SKAP1: variants seen among roughly 807,000 people sequenced by gnomAD.
The protein encoded by SKAP1 is src kinase-associated phosphoprotein 1.
Under a neutral mutation model 58.5 loss-of-function variants are expected in SKAP1, and 44 were observed. That is an observed-to-expected ratio of 0.75 (90% CI 0.59 to 0.97). The LOEUF is 0.97. Ranked by LOEUF, SKAP1 falls within the 50% of genes least tolerant of loss-of-function variation. The probability of loss-of-function intolerance (pLI) is 0.00; values close to 1 mark genes in which losing one functional copy is unlikely to be tolerated. For synonymous variants in SKAP1, 127 were observed against 149.7 expected (o/e 0.85, Z 1.11); for missense variants, 390 against 435.2 (o/e 0.90, Z 0.92).
At chr17:48,276,144 T>C (rs1031063627) in intron 4 of SKAP1, among the ~76,000 whole-genome samples, 10 of 152,126 alleles carry the variant, frequency 6.6e-5, no homozygotes, top group Non-Finnish European at 1.2e-4. Flanking sequence ...ACCATATGAT[T>C]CACAACTAAC....
intron 4 of SKAP1, among the ~76,000 whole-genome samples, chr17:48,270,348 A>T (rs936058456): frequency 6.6e-6 from 1 of 151,806 alleles, no homozygotes; most frequent in Non-Finnish European, 1.5e-5. Context: ...TAATTTTATT[A>T]TTTATTTATT....
chr17:48,309,263 AT>A (rs2066189621), intron 4 of SKAP1, among the ~76,000 whole-genome samples: 1 of 150,324 alleles, frequency 6.7e-6, no homozygotes, highest in South Asian at 2.1e-4. Flanking sequence ...AAATATTTTC[AT>A]GTTACTTTTC....
At chr17:48,432,349 A>C (rs1166070013), upstream of SKAP1, among the ~76,000 whole-genome samples, 1 of 152,152 alleles carries the variant, frequency 6.6e-6, no homozygotes, top group Admixed American at 6.5e-5. Context: ...GAATCACATG[A>C]ACCCGGGGGG....
intron 4 of SKAP1, among the ~76,000 whole-genome samples, chr17:48,279,533 T>C (rs930038270): frequency 1.3e-5 from 2 of 152,210 alleles, no homozygotes; most frequent in East Asian, 1.9e-4. Context: ...GAGTTCATTA[T>C]CTGGGTAATG....
intron 9 of SKAP1, among the ~76,000 whole-genome samples, chr17:48,178,808 C>T (rs1289931455): frequency 6.6e-6 from 1 of 152,080 alleles, no homozygotes; most frequent in Non-Finnish European, 1.5e-5. Context: ...TCGACCTCAA[C>T]CAAGATATCA....
At chr17:48,168,386 G>C (rs1437656075) in intron 10 of SKAP1, among the ~76,000 whole-genome samples, 4 of 152,202 alleles carry the variant, frequency 2.6e-5, no homozygotes, top group Admixed American at 6.5e-5. Context: ...GCTGGGCGTG[G>C]TGGCTCATGC....
the SKAP1 span, among the ~76,000 whole-genome samples, chr17:48,440,939 C>T: frequency 2.2e-4 from 33 of 152,126 alleles, no homozygotes; most frequent in East Asian, 7.7e-4. Flanking sequence ...AAAGGAGGAC[C>T]CCACAGCCTC....
intron 4 of SKAP1, among the ~76,000 whole-genome samples, chr17:48,286,088 T>A (rs557002598): frequency 6.6e-6 from 1 of 152,324 alleles, no homozygotes; most frequent in African/African-American, 2.4e-5. Context: ...TGGGGAAAAG[T>A]CTTAAACAGG....
intron 9 of SKAP1, among the ~76,000 whole-genome samples, chr17:48,171,570 C>T (rs1707950495): frequency 6.6e-6 from 1 of 152,266 alleles, no homozygotes; most frequent in Non-Finnish European, 1.5e-5. Flanking sequence ...AGTTCCTGCC[C>T]TTGTGGAGCT....
chr17:48,178,767 AT>A (rs936283362), intron 9 of SKAP1, among the ~76,000 whole-genome samples: 1 of 151,906 alleles, frequency 6.6e-6, no homozygotes, highest in Non-Finnish European at 1.5e-5. Context: ...GGAAATTATC[AT>A]TTTTTTTAAC....
intron 11 of SKAP1, among the ~76,000 whole-genome samples, chr17:48,161,394 TAG>T (rs2064066501): frequency 6.6e-6 from 1 of 152,206 alleles, no homozygotes; most frequent in Non-Finnish European, 1.5e-5. Flanking sequence ...ATTGGCTGCA[TAG>T]AGAGAGGACT....
intron 12 of SKAP1, among the ~76,000 whole-genome samples, chr17:48,135,462 T>G (rs1428265862): frequency 1.3e-5 from 2 of 152,196 alleles, no homozygotes; most frequent in African/African-American, 4.8e-5. Flanking sequence ...TGGTTCTTGC[T>G]AATACAACAC....
intron 4 of SKAP1, among the ~76,000 whole-genome samples, chr17:48,288,009 T>C (rs2065853781): frequency 6.6e-6 from 1 of 152,118 alleles, no homozygotes; most frequent in African/African-American, 2.4e-5. Context: ...AAGAGAAAAA[T>C]TGGTAAAAAC....
At position 48,210,945 on chromosome 17, in the gene SKAP1, G is replaced by A. The variant is rs138339318; in HGVS notation, c.281-21445C>T. ...TTAGGATTAGTTTAGCCAGTGTGAC[G>A]GAAAGCCCCAAATAATAGAGGCCTT... On this transcript the variant is annotated intron_variant, in intron 4 of 12. Transcript: ENST00000336915. 1.4e-3 allele frequency among the ~76,000 whole-genome samples: 208 copies of A among 152,190 alleles called. 3 individuals carry two copies. The East Asian group carries it at 0.036, about 26-fold the overall frequency.
chr17:48,218,868 T>G (rs2064971104), intron 4 of SKAP1, among the ~76,000 whole-genome samples: 1 of 152,072 alleles, frequency 6.6e-6, no homozygotes. Flanking sequence ...TTCAATATTT[T>G]GGGGGTTTCA....
chr17:48,148,893 A>G (rs182974273), intron 11 of SKAP1, among the ~76,000 whole-genome samples: 1 of 152,378 alleles, frequency 6.6e-6, no homozygotes, highest in Admixed American at 6.5e-5. Flanking sequence ...AGGGTAGGAT[A>G]GAGTGGAATC....
At chr17:48,207,000 A>T (rs557237883) in intron 4 of SKAP1, among the ~76,000 whole-genome samples, 1 of 152,298 alleles carries the variant, frequency 6.6e-6, no homozygotes, top group Admixed American at 6.5e-5. Context: ...ATAAAAATAA[A>T]AATAGAAAAT....
chr17:48,144,885 C>T (rs1214958181), intron 11 of SKAP1, among the ~76,000 whole-genome samples: 2 of 152,222 alleles, frequency 1.3e-5, no homozygotes, highest in Non-Finnish European at 2.9e-5. Flanking sequence ...GTGTTTCTGT[C>T]TTCAAGGTAG....
chr17:48,166,861 A>AT (rs1011116225), intron 10 of SKAP1, among the ~76,000 whole-genome samples: 16 of 146,638 alleles, frequency 1.1e-4, no homozygotes, highest in Non-Finnish European at 2.4e-4. Flanking sequence ...AACTCTGACA[A>AT]TTTTTCCTTT....
Sources: allele counts gnomAD v4.1 joint callset (sites outside exome capture counted in the v4.1 genomes callset), GRCh38; gene constraint gnomAD v4.1.1; transcripts MANE v1.5; gene names NCBI Gene and HGNC (gene_info 2026-07-23, HGNC 2026-07-21).